Variants in SQSTM1 observed in about 807,000 individuals in gnomAD.
The protein encoded by SQSTM1 is sequestosome 1.
A neutral mutation model predicts 45.1 loss-of-function variants in SQSTM1; 36 were observed. That is an observed-to-expected ratio of 0.80 (90% CI 0.61 to 1.05). The LOEUF (loss-of-function observed/expected upper bound fraction) is 1.05. SQSTM1 is among the 50% of genes least tolerant of loss of function. The pLI, the probability that SQSTM1 is intolerant of heterozygous loss-of-function variation, is 0.00. For synonymous variants in SQSTM1, 290 were observed against 244.3 expected, an observed-to-expected ratio of 1.19 and a Z score of -1.74; for missense variants, 617 against 607.1, an observed-to-expected ratio of 1.02 and a Z score of -0.17.
intron 2 of SQSTM1, chr5:179,823,614 G>T (rs887190236): frequency 1.2e-5 from 7 of 580,218 alleles, no homozygotes; most frequent in Non-Finnish European, 1.8e-5. Context: ...CAAGGCCAAA[G>T]CTGTGCAGAC....
intron 2 of SQSTM1, among the ~76,000 whole-genome samples, chr5:179,823,307 A>G (rs1757854453): frequency 6.6e-6 from 1 of 151,906 alleles, no homozygotes. Flanking sequence ...CGCTACTAAA[A>G]ATACAAAAAT....
intron 7 of SQSTM1, among the ~76,000 whole-genome samples, chr5:179,834,496 G>T (rs1002904171): frequency 1.3e-5 from 2 of 151,806 alleles, no homozygotes; most frequent in Non-Finnish European, 2.9e-5. Flanking sequence ...CAATAGTGGA[G>T]GGAAGGTCAG....
chr5:179,812,178 C>T (rs1757447172), intron 2 of SQSTM1: 1 of 152,256 alleles, frequency 6.6e-6, no homozygotes, highest in African/African-American at 2.4e-5. Context: ...AAGGAATGAT[C>T]TCCACCGCAC....
chr5:179,825,760 G>T (rs138956745), intron 5 of SQSTM1, among the ~76,000 whole-genome samples: 421 of 152,276 alleles, frequency 2.8e-3, no homozygotes, highest in Middle Eastern at 0.024. Flanking sequence ...GTTGCACAGT[G>T]GGTCTGTGGG....
At chr5:179,834,011 A>G (rs1447440617) in intron 7 of SQSTM1, among the ~76,000 whole-genome samples, 3 of 152,078 alleles carry the variant, frequency 2.0e-5, no homozygotes, top group Non-Finnish European at 4.4e-5. Flanking sequence ...GGCAAACTCC[A>G]GAGCCAGGAA....
intron 7 of SQSTM1, chr5:179,835,801 T>C (rs1758522005): frequency 6.1e-6 from 1 of 163,150 alleles, no homozygotes; most frequent in African/African-American, 2.4e-5. Flanking sequence ...CTTAGGATAA[T>C]GGCCTCCAGC....
At chr5:179,827,474 C>T (rs770885822) in intron 5 of SQSTM1, among the ~76,000 whole-genome samples, 14 of 152,052 alleles carry the variant, frequency 9.2e-5, no homozygotes, top group Non-Finnish European at 1.6e-4. Flanking sequence ...TTAGTAGAGA[C>T]GGGGTTTCAC....
At position 179,837,151 on chromosome 5, in the gene SQSTM1, C is replaced by G. The variant is rs767960499; in HGVS notation, c.*558C>G. On this transcript the variant is annotated 3_prime_UTR_variant, in exon 8 of 8. Transcript: ENST00000389805. ...TCCTGGTCTCTTCACCACTGTAGTT[C>G]TCTCATTTCCAAACCATCAGCTGCT... The G allele has an allele frequency of 6.5e-6, 9 of 1,392,106 alleles. No individual in the cohort carries two copies. Among genetic ancestry groups the G allele is most frequent in the Non-Finnish European group, 8.9e-6 (9 of 1,015,076 alleles). The allele number at this position is 1,392,106 out of a possible 1,614,324, so 86.2% of individuals were successfully genotyped here. A position where few individuals can be genotyped will look rare whatever the true frequency, so the allele number is the denominator to read the frequency against.
chr5:179,811,415 A>AG (rs200665912), intron 1 of SQSTM1, among the ~76,000 whole-genome samples: 1 of 18,270 alleles, frequency 5.5e-5, no homozygotes, highest in African/African-American at 2.1e-4. Context: ...GGAGCTATGC[A>AG]GGGGGGAGGA....
At chr5:179,822,850 T>C (rs1438699844) in intron 1 of SQSTM1, 108 bp from the exon 2 acceptor site, 1 of 927,670 alleles carries the variant, frequency 1.1e-6, no homozygotes, top group Non-Finnish European at 1.8e-6. Context: ...GGTGTGTTTG[T>C]TTATAGCCCT....
At chr5:179,826,877 G>A (rs772619805) in intron 5 of SQSTM1, among the ~76,000 whole-genome samples, 1 of 152,064 alleles carries the variant, frequency 6.6e-6, no homozygotes, top group Non-Finnish European at 1.5e-5. Context: ...CACCGAGCCC[G>A]GCCAAGAATC....
chr5:179,822,801 T>A, intron 1 of SQSTM1, 157 bp from the exon 2 acceptor site: 1 of 713,442 alleles, frequency 1.4e-6, no homozygotes, highest in Non-Finnish European at 2.5e-6. Context: ...AGCAAGGGGG[T>A]AGTCTTGCCT....
upstream of SQSTM1, among the ~76,000 whole-genome samples, chr5:179,819,810 C>T (rs539099457): frequency 6.6e-6 from 1 of 152,336 alleles, no homozygotes; most frequent in Admixed American, 6.5e-5. Context: ...GGATCATTCA[C>T]ACCTGTGGAC....
chr5:179,831,265 T>A (rs560348356), intron 5 of SQSTM1, among the ~76,000 whole-genome samples: 81 of 152,290 alleles, frequency 5.3e-4, no homozygotes, highest in Non-Finnish European at 7.6e-4. Context: ...CAAGCGGCAC[T>A]CTCTATGGAA....
intron 7 of SQSTM1, among the ~76,000 whole-genome samples, chr5:179,834,217 A>G (rs1401957100): frequency 4.2e-4 from 30 of 71,140 alleles, no homozygotes; most frequent in African/African-American, 1.9e-3. Flanking sequence ...GTTGAAGTGG[A>G]TGGTGTGGCA....
At chr5:179,820,804 A>G, upstream of SQSTM1, 3 of 862,186 alleles carry the variant, frequency 3.5e-6, no homozygotes, top group Non-Finnish European at 3.3e-6. Flanking sequence ...CGCCGCGACG[A>G]CGGTGGCGGG....
At chr5:179,834,720 G>C (rs373236911) in intron 7 of SQSTM1, among the ~76,000 whole-genome samples, 1 of 152,134 alleles carries the variant, frequency 6.6e-6, no homozygotes, top group African/African-American at 2.4e-5. Context: ...CAGAGAGCAC[G>C]GGGTTGGGGG....
rs1358261412 is a variant in SQSTM1 at position 179,833,596 on chromosome 5, G to C, written c.979G>C (p.Glu327Gln). Residue 327 changes from glutamate to glutamine, a missense_variant, in exon 7 of 8, where the codon GAG becomes CAG. Transcript: ENST00000389805. Reference sequence around the variant, plus strand: ...GTGAGTTTTGTTCCAGGAACAGATGGAGTCGGATAACTGTTCAGGAGGAGA... The same window carrying C: ...GTGAGTTTTGTTCCAGGAACAGATGCAGTCGGATAACTGTTCAGGAGGAGA... ...ESEGRPEEQM[E>Q]SDNCSGGDDD... 1 of 1,614,066 alleles carries C rather than the reference G, an allele frequency of 6.2e-7. No homozygotes were observed. The highest frequency in any genetic ancestry group is 8.5e-7 in the Non-Finnish European group (1 of 1,180,040).
rs538337173 is a variant in SQSTM1 at position 179,837,200 on chromosome 5, C to A, written c.*607C>A. 101 of 1,558,156 alleles carry A rather than the reference C, an allele frequency of 6.5e-5. No homozygotes were observed. The African/African-American group carries it at 1.2e-3, about 19-fold the overall frequency. On this transcript the variant is annotated 3_prime_UTR_variant, in exon 8 of 8. Transcript: ENST00000389805. ...CTTTTAAAATAAGATCTCTTTGTAG[C>A]CATCCTGTTAAATTTGTAAACAATC... is the stretch of plus-strand genomic sequence containing the variant.
Sources: gnomAD v4.1 joint callset for allele counts (sites outside exome capture counted in the v4.1 genomes callset) on GRCh38, gnomAD v4.1.1 for gene constraint, MANE v1.5 for transcripts, NCBI Gene and HGNC (gene_info 2026-07-23, HGNC 2026-07-21) for gene names.